Variants in ZSCAN1 observed in about 807,000 individuals in gnomAD.
ZSCAN1 encodes the protein zinc finger and SCAN domain containing 1.
A neutral mutation model predicts 23.8 loss-of-function variants in ZSCAN1; 23 were observed. The observed-to-expected ratio is 0.97, with a 90% CI of 0.70 to 1.37. The LOEUF (loss-of-function observed/expected upper bound fraction) is 1.37, where lower values mean the gene tolerates loss of function less well. ZSCAN1 is among the 40% of genes most tolerant of loss of function. ZSCAN1 has a pLI of 0.00. For missense variants in ZSCAN1, 575 were observed against 554.0 expected (o/e 1.04, Z -0.38); for synonymous variants, 236 against 232.3 (o/e 1.02, Z -0.15).
rs111953854 is a variant in ZSCAN1, at chr19:58,049,843, A to G, written c.466-2647A>G. On this transcript the variant is annotated intron_variant, in intron 4 of 5. Coordinates refer to ENST00000282326, the MANE Select transcript of ZSCAN1 (RefSeq NM_182572.4). The surrounding 1 kb of genome is among the most constrained non-coding windows in gnomAD (Gnocchi z 4.5). Reference sequence around the variant, plus strand: ...TGGCCCCTGCTTTTCTTCTTTGTGCATAGCGATCTCCTGGCATCTCAGGTA... The same window carrying G: ...TGGCCCCTGCTTTTCTTCTTTGTGCGTAGCGATCTCCTGGCATCTCAGGTA... Among the ~76,000 whole-genome samples the G allele has an allele frequency of 5.1e-3, 783 of 152,290 alleles. 9 individuals are homozygous for G. The highest frequency in any genetic ancestry group is 0.017 in the African/African-American group (703 of 41,558).
chr19:58,051,633 C>T (rs1318937585), intron 4 of ZSCAN1, among the ~76,000 whole-genome samples: 2 of 152,196 alleles, frequency 1.3e-5, no homozygotes, highest in African/African-American at 4.8e-5. Context: ...TCAGTGCGTG[C>T]TTGACTCCTG....
At chr19:58,037,290 C>A (rs193390) in intron 2 of ZSCAN1, among the ~76,000 whole-genome samples, 1 of 152,008 alleles carries the variant, frequency 6.6e-6, no homozygotes, top group African/African-American at 2.4e-5. Flanking sequence ...AGGAACTTCA[C>A]TGGGCAGTGC....
rs1367411280 is a variant in ZSCAN1 at position 58,049,704 on chromosome 19, CCT to C, written c.466-2785_466-2784del. Among the ~76,000 whole-genome samples, 1 of 152,196 alleles carries C rather than the reference CCT, an allele frequency of 6.6e-6. No homozygotes were observed. The highest frequency in any genetic ancestry group is 1.5e-5 in the Non-Finnish European group (1 of 68,040). On this transcript the variant is annotated intron_variant, in intron 4 of 5. Transcript: ENST00000282326. The surrounding 1 kb of genome is among the most constrained non-coding windows in gnomAD (Gnocchi z 4.5). ...CCCTGAGATCCCATGGGCGTATCTC[CCT>C]GAGGCCCTGGCGGGAATGACTGTTG...
rs2073865532 is a variant in ZSCAN1, at chr19:58,052,629, G to GTGAGTC, written c.604+4_604+9dup. ...GCGCCCCGCGCCCCTGGCTTGCTGG[G>GTGAGTC]TGAGTCTGGCTCCTGTGTGGATTAA... On this transcript the variant is annotated splice_donor_variant, in intron 5 of 5. Transcript: ENST00000282326. LOFTEE classifies it high-confidence loss of function. 6.3e-7 allele frequency: 1 copy of GTGAGTC among 1,595,334 alleles called. No individual in the cohort carries two copies. The highest frequency in any genetic ancestry group is 1.1e-5 in the South Asian group (1 of 88,688).
intron 4 of ZSCAN1, among the ~76,000 whole-genome samples, chr19:58,048,574 G>C (rs1395777246): frequency 6.6e-6 from 1 of 152,192 alleles, no homozygotes. Context: ...CCACCTCCTG[G>C]GTTCAAATGA....
intron 2 of ZSCAN1, among the ~76,000 whole-genome samples, chr19:58,036,216 T>G (rs2073734739): frequency 6.6e-6 from 1 of 152,188 alleles, no homozygotes; most frequent in African/African-American, 2.4e-5. Flanking sequence ...GGGAGGTAGT[T>G]GATCCCACCA....
Position 58,047,390 on chromosome 19 carries a change from C to T in ZSCAN1, c.466-5100C>T, listed in dbSNP as rs1203382563. Among the ~76,000 whole-genome samples, 3 of 152,148 alleles carry T rather than the reference C, an allele frequency of 2.0e-5. No homozygotes were observed. The highest frequency in any genetic ancestry group is 1.9e-4 in the East Asian group (1 of 5,186). On this transcript the variant is annotated intron_variant, in intron 4 of 5. Transcript: ENST00000282326. The surrounding 1 kb of genome is among the most constrained non-coding windows in gnomAD (Gnocchi z 4.9). ...CTCACCTGCAGTTTTCCTTGTGTATCGGAGCTCTTTCTTAACTTTCTATTT... is the reference window on the plus strand; with the variant it reads ...CTCACCTGCAGTTTTCCTTGTGTATTGGAGCTCTTTCTTAACTTTCTATTT...
rs2073817186 is a variant in ZSCAN1, at chr19:58,045,187, G to A, written c.465+4643G>A. The A allele has an allele frequency of 1.1e-6, 1 of 947,868 alleles. No individual in the cohort carries two copies. The highest frequency in any genetic ancestry group is 1.7e-5 in the Admixed American group (1 of 58,020). 58.7% of individuals were successfully genotyped at this position (947,868 alleles called of 1,614,324 possible). On this transcript the variant is annotated intron_variant, in intron 4 of 5. Transcript: ENST00000282326. This position sits in a 1 kb window ranked among gnomAD's most constrained non-coding sequence, Gnocchi z 4.3. ...CGCCAGGCGCGCAGGCAGTTGCTCCGGTTCTGTGCCGACCTCTTCCGCCTG... is the reference window on the plus strand; with the variant it reads ...CGCCAGGCGCGCAGGCAGTTGCTCCAGTTCTGTGCCGACCTCTTCCGCCTG...
chr19:58,045,481 C>G lies in ZSCAN1; in HGVS notation c.465+4937C>G, dbSNP rs1194406989. On this transcript the variant is annotated intron_variant, in intron 4 of 5. Transcript: ENST00000282326. This position sits in a 1 kb window ranked among gnomAD's most constrained non-coding sequence, Gnocchi z 4.3. ...AAGATCCGGGAGACGGGGGAGAGGC[C>G]CAGCAATGAGGAAATCATGGGTTTT... 1 of 1,321,176 alleles carries G rather than the reference C, an allele frequency of 7.6e-7. No homozygotes were observed. Among genetic ancestry groups the G allele is most frequent in the Non-Finnish European group, 1.1e-6 (1 of 912,596 alleles). The allele number at this position is 1,321,176 out of a possible 1,614,324, so 81.8% of individuals were successfully genotyped here. A position where few individuals can be genotyped will look rare whatever the true frequency, so the allele number is the denominator to read the frequency against.
chr19:58,039,918 A>AG (rs960942153), intron 3 of ZSCAN1, among the ~76,000 whole-genome samples: 118 of 151,136 alleles, frequency 7.8e-4, no homozygotes, highest in East Asian at 4.6e-3. Context: ...AAAAATAAAT[A>AG]GGGGGGGGTC....
chr19:58,035,796 G>A (rs921880796), intron 1 of ZSCAN1, among the ~76,000 whole-genome samples, 174 bp from the exon 2 acceptor site: 1 of 152,148 alleles, frequency 6.6e-6, no homozygotes, highest in Admixed American at 6.6e-5. Context: ...CTTTCTCCTG[G>A]ATTGTAAAAC....
Position 58,046,839 on chromosome 19 carries a change from G to A in ZSCAN1, c.466-5651G>A, listed in dbSNP as rs1220166603. 22 of 685,594 alleles carry A rather than the reference G, an allele frequency of 3.2e-5. 1 individual carries two copies. The highest frequency in any genetic ancestry group is 2.4e-4 in the Admixed American group (12 of 49,180). 42.5% of individuals were successfully genotyped at this position (685,594 alleles called of 1,614,324 possible). On this transcript the variant is annotated intron_variant, in intron 4 of 5. Transcript: ENST00000282326. Reference sequence around the variant, plus strand: ...GGTGAGGGCTGTGAGAGCGATTTGCGGTGATTCTTAGTGGCTCATCTAATA... The same window carrying A: ...GGTGAGGGCTGTGAGAGCGATTTGCAGTGATTCTTAGTGGCTCATCTAATA...
intron 4 of ZSCAN1, 41 bp from the exon 5 acceptor site, chr19:58,052,449 T>C (rs1475327128): frequency 1.2e-5 from 19 of 1,612,968 alleles, no homozygotes; most frequent in Non-Finnish European, 1.6e-5. Flanking sequence ...GGATGGCTCC[T>C]GAGGGGCAGC....
downstream of ZSCAN1, among the ~76,000 whole-genome samples, chr19:58,055,241 C>T (rs1454117624): frequency 1.3e-5 from 2 of 152,242 alleles, no homozygotes; most frequent in Admixed American, 1.3e-4. Flanking sequence ...TGCTGCTTCT[C>T]AACCAAGCTG....
rs2073732775 is a variant in ZSCAN1, at chr19:58,036,022, C to T, written c.-110+11C>T. On this transcript the variant is annotated intron_variant, in intron 2 of 5. Coordinates refer to ENST00000282326, the MANE Select transcript of ZSCAN1 (RefSeq NM_182572.4). The stretch of plus-strand genomic sequence containing the variant: ...AGGAGATTCAGAGAAGTATGAACAG[C>T]ACAAAGCACTTGGCCGCCCCCCATG... The T allele has an allele frequency of 6.6e-6, 1 of 152,204 alleles. No homozygotes were observed. The highest frequency in any genetic ancestry group is 2.4e-5 in the African/African-American group (1 of 41,434). The allele number at this position is 152,204 out of a possible 1,614,324, so 9.4% of individuals were successfully genotyped here.
In ZSCAN1 at chr19:58,053,446, C is replaced by T; in HGVS notation, c.622C>T (p.Pro208Ser). The stretch of plus-strand genomic sequence containing the variant: ...CTCCACAGGGTCCCGGGCCCGCTTG[C>T]CTCTGAAGCCGAGTATCTGGGACGA... ...PGLLGSRARL[P>S]LKPSIWDEPE... Residue 208 changes from proline (P) to serine (S), a missense_variant, in exon 6 of 6, where the codon CCT (proline) becomes TCT (serine). Pro to Ser is a moderately conservative substitution (Grantham distance 74). Transcript: ENST00000282326. The surrounding 1 kb of genome is among the most constrained non-coding windows in gnomAD (Gnocchi z 5.8). 1 of 1,610,960 alleles carries T rather than the reference C, an allele frequency of 6.2e-7. No individual in the cohort carries two copies. Among genetic ancestry groups the T allele is most frequent in the Non-Finnish European group, 8.5e-7 (1 of 1,177,526 alleles).
intron 4 of ZSCAN1, among the ~76,000 whole-genome samples, chr19:58,044,314 T>TAAAC (rs2073809261): frequency 2.9e-5 from 1 of 34,472 alleles, no homozygotes; most frequent in South Asian, 5.1e-4. Context: ...CATTTTAAAA[T>TAAAC]AAATAAATGA....
chr19:58,045,996 G>A lies in ZSCAN1; in HGVS notation c.465+5452G>A. ...TGCAGGAGAAGGCGACCATGCAGTAGGAGCACCGCGAGAAGGAGCTGCAGA... is the reference window on the plus strand; with the variant it reads ...TGCAGGAGAAGGCGACCATGCAGTAAGAGCACCGCGAGAAGGAGCTGCAGA... On this transcript the variant is annotated intron_variant, in intron 4 of 5. Coordinates refer to ENST00000282326, the MANE Select transcript of ZSCAN1 (RefSeq NM_182572.4). This position sits in a 1 kb window ranked among gnomAD's most constrained non-coding sequence, Gnocchi z 4.3. 1.4e-6 allele frequency: 1 copy of A among 713,448 alleles called. No individual in the cohort carries two copies. Among genetic ancestry groups the A allele is most frequent in the South Asian group, 1.7e-5 (1 of 60,518 alleles). The allele number at this position is 713,448 out of a possible 1,614,324, so 44.2% of individuals were successfully genotyped here. A position where few individuals can be genotyped will look rare whatever the true frequency, so the allele number is the denominator to read the frequency against.
intron 4 of ZSCAN1, among the ~76,000 whole-genome samples, chr19:58,041,609 G>A (rs934576478): frequency 9.2e-5 from 14 of 152,166 alleles, no homozygotes; most frequent in Admixed American, 2.0e-4. Context: ...GGCTCATCCC[G>A]GTAATCCCAG....
Sources: allele counts gnomAD v4.1 joint callset (sites outside exome capture counted in the v4.1 genomes callset), GRCh38; gene constraint gnomAD v4.1.1; non-coding constraint Gnocchi (gnomAD v3.1); transcripts MANE v1.5; gene names NCBI Gene and HGNC (gene_info 2026-07-23, HGNC 2026-07-21).